Variants in STAU2 observed in about 807,000 individuals in gnomAD.
STAU2 encodes double-stranded RNA-binding protein Staufen homolog 2.
In STAU2, 20 loss-of-function variants were observed where a neutral mutation model predicts 65.9. The ratio of observed to expected loss-of-function variants is 0.30; its 90% CI spans 0.21 to 0.44. STAU2 has a LOEUF of 0.44. Ranked by LOEUF, STAU2 falls within the 20% of genes least tolerant of loss-of-function variation. The pLI is 1.00. For synonymous variants in STAU2, 232 were observed against 233.9 expected, an observed-to-expected ratio of 0.99 and a Z score of 0.07; for missense variants, 558 against 683.9, an observed-to-expected ratio of 0.82 and a Z score of 2.05.
At chr8:73,461,230 A>AGAT (rs1819333615) in intron 13 of STAU2, among the ~76,000 whole-genome samples, 1 of 152,192 alleles carries the variant, frequency 6.6e-6, no homozygotes, top group African/African-American at 2.4e-5. Flanking sequence ...GGCACACAGG[A>AGAT]GATGTGCAGG....
At chr8:73,435,474 A>G (rs1442044431) in intron 13 of STAU2, among the ~76,000 whole-genome samples, 1 of 151,916 alleles carries the variant, frequency 6.6e-6, no homozygotes, top group African/African-American at 2.4e-5. Context: ...TCTCAGAGCC[A>G]GCATCTTGCC....
At chr8:73,504,466 T>A (rs944734568) in intron 13 of STAU2, among the ~76,000 whole-genome samples, 2 of 152,114 alleles carry the variant, frequency 1.3e-5, no homozygotes, top group Non-Finnish European at 2.9e-5. Context: ...TCCTTTATTT[T>A]ACAGACTTTA....
chr8:73,724,100 T>C (rs1401178305), intron 3 of STAU2, among the ~76,000 whole-genome samples: 1 of 152,208 alleles, frequency 6.6e-6, no homozygotes, highest in Admixed American at 6.5e-5. Context: ...CTATGTCACA[T>C]CCTGGAAAAT....
chr8:73,467,702 C>T (rs949096651), intron 13 of STAU2, among the ~76,000 whole-genome samples: 2 of 152,080 alleles, frequency 1.3e-5, no homozygotes, highest in Admixed American at 6.5e-5. Context: ...GACAAGAAGC[C>T]GTGTCTGCTC....
At chr8:73,629,666 G>C (rs182946402) in intron 6 of STAU2, among the ~76,000 whole-genome samples, 1 of 152,062 alleles carries the variant, frequency 6.6e-6, no homozygotes, top group African/African-American at 2.4e-5. Flanking sequence ...AAATTTCTTC[G>C]GCTATGAGTA....
chr8:73,467,211 A>G (rs1244465508), intron 13 of STAU2, among the ~76,000 whole-genome samples: 2 of 152,160 alleles, frequency 1.3e-5, no homozygotes, highest in Non-Finnish European at 2.9e-5. Flanking sequence ...GTAGATAGCC[A>G]CTAAATATTA....
At chr8:73,725,374 T>C (rs1387403567) in intron 3 of STAU2, among the ~76,000 whole-genome samples, 1 of 152,362 alleles carries the variant, frequency 6.6e-6, no homozygotes, top group Non-Finnish European at 1.5e-5. Flanking sequence ...ATGTTTGATA[T>C]CAGCACCTAA....
intron 6 of STAU2, among the ~76,000 whole-genome samples, chr8:73,639,933 G>A (rs1814831272): frequency 6.6e-6 from 1 of 152,082 alleles, no homozygotes; most frequent in Non-Finnish European, 1.5e-5. Context: ...AAGAGGTGAA[G>A]TATTCTAAGA....
At chr8:73,663,809 G>A (rs111246990) in intron 6 of STAU2, among the ~76,000 whole-genome samples, 1,980 of 152,052 alleles carry the variant, frequency 0.013, 46 homozygotes, top group African/African-American at 0.045. Flanking sequence ...ATGTTTTCAC[G>A]CTATTTAATT....
intron 12 of STAU2, among the ~76,000 whole-genome samples, chr8:73,563,427 G>A (rs1468423108): frequency 6.6e-6 from 1 of 152,162 alleles, no homozygotes; most frequent in African/African-American, 2.4e-5. Flanking sequence ...ATGGGGACCA[G>A]AATTTCCACT....
At chr8:73,617,505 T>C in intron 6 of STAU2, 54 bp from the exon 7 acceptor site, 1 of 1,516,620 alleles carries the variant, frequency 6.6e-7, no homozygotes, top group Non-Finnish European at 9.0e-7. Flanking sequence ...CACTCTATAA[T>C]CATTCATAAG....
At chr8:73,627,206 G>A (rs117033166) in intron 6 of STAU2, among the ~76,000 whole-genome samples, 4,752 of 39,776 alleles carry the variant, frequency 0.12, 1,142 homozygotes, top group East Asian at 0.48. Flanking sequence ...GCAGGAATAC[G>A]GCGGGGGGGG....
At chr8:73,511,916 T>C (rs550236976) in intron 13 of STAU2, among the ~76,000 whole-genome samples, 1 of 152,352 alleles carries the variant, frequency 6.6e-6, no homozygotes, top group South Asian at 2.1e-4. Flanking sequence ...TTATCTATTT[T>C]GAGTGAATTT....
intron 5 of STAU2, among the ~76,000 whole-genome samples, chr8:73,687,012 C>T (rs1032444367): frequency 4.7e-5 from 7 of 149,884 alleles, no homozygotes; most frequent in Non-Finnish European, 8.9e-5. Flanking sequence ...CCTGCCTCAA[C>T]CTCCTAAGTA....
chr8:73,523,331 C>T (rs1445307830), intron 13 of STAU2, among the ~76,000 whole-genome samples: 1 of 151,616 alleles, frequency 6.6e-6, no homozygotes, highest in Admixed American at 6.6e-5. Flanking sequence ...CAAGAGAGCA[C>T]AGGAGAGGCA....
At chr8:73,448,783 A>G (rs1437460673) in intron 13 of STAU2, among the ~76,000 whole-genome samples, 1 of 152,230 alleles carries the variant, frequency 6.6e-6, no homozygotes, top group Non-Finnish European at 1.5e-5. Context: ...AGCTGGAGCG[A>G]TGGTTCAGGG....
chr8:73,544,568 A>T (rs1464279365), intron 13 of STAU2, among the ~76,000 whole-genome samples: 1 of 152,186 alleles, frequency 6.6e-6, no homozygotes, highest in East Asian at 1.9e-4. Flanking sequence ...GCTTCTGCCT[A>T]TAATTCCTTT....
intron 12 of STAU2, among the ~76,000 whole-genome samples, chr8:73,572,624 T>C (rs1410691301): frequency 1.3e-5 from 2 of 152,156 alleles, no homozygotes; most frequent in African/African-American, 4.8e-5. Context: ...TAATCCAGCA[T>C]ATAAAGAGAA....
At chr8:73,448,298 CTT>C (rs112124026) in intron 13 of STAU2, among the ~76,000 whole-genome samples, 14 of 149,704 alleles carry the variant, frequency 9.4e-5, no homozygotes, top group Admixed American at 2.0e-4. Context: ...AGATACAAGT[CTT>C]TTTTTTTTGG....
Sources: allele counts gnomAD v4.1 joint callset (sites outside exome capture counted in the v4.1 genomes callset), GRCh38; gene constraint gnomAD v4.1.1; transcripts MANE v1.5; gene names NCBI Gene and HGNC (gene_info 2026-07-23, HGNC 2026-07-21).